The following PAK2 variants were observed in gnomAD, a reference collection of about 807,000 sequenced individuals.
PAK2 encodes serine/threonine-protein kinase PAK 2.
PAK2 carries 21 observed loss-of-function variants against 65.9 expected under a neutral mutation model. That is an observed-to-expected ratio of 0.32 (90% confidence interval 0.23 to 0.46). The LOEUF is 0.46. Ranked by LOEUF, PAK2 falls within the 20% of genes least tolerant of loss-of-function variation. PAK2 has a pLI of 1.00. For synonymous variants in PAK2, 204 were observed against 219.7 expected (o/e 0.93, Z 0.63); for missense variants, 324 against 642.6 (o/e 0.50, Z 5.36).
intron 2 of PAK2, among the ~76,000 whole-genome samples, chr3:196,793,515 G>T (rs1252370281): frequency 6.6e-6 from 1 of 152,092 alleles, no homozygotes; most frequent in East Asian, 1.9e-4. Context: ...CTTTCTATAT[G>T]AGTAGACAGT....
Position 196,829,164 on chromosome 3 carries a change from C to G in PAK2, c.*759C>G, listed in dbSNP as rs1258581110. On this transcript the variant is annotated 3_prime_UTR_variant, in exon 15 of 15. Coordinates refer to ENST00000327134, the MANE Select transcript of PAK2 (RefSeq NM_002577.4). ...AATCATTGAGATAGAAAAAGATTCCCATTGACTGTAGACTTCTTCCCATTT... is the reference window on the plus strand; with the variant it reads ...AATCATTGAGATAGAAAAAGATTCCGATTGACTGTAGACTTCTTCCCATTT... The G allele has an allele frequency of 6.6e-6, 1 of 152,506 alleles. No homozygotes were observed. Among genetic ancestry groups the G allele is most frequent in the Non-Finnish European group, 1.5e-5 (1 of 68,024 alleles). The allele number at this position is 152,506 out of a possible 1,614,324, so 9.4% of individuals were successfully genotyped here. A position where few individuals can be genotyped will look rare whatever the true frequency, so the allele number is the denominator to read the frequency against.
chr3:196,765,027 G>A (rs866321648), intron 1 of PAK2, among the ~76,000 whole-genome samples: 2 of 149,866 alleles, frequency 1.3e-5, no homozygotes, highest in Non-Finnish European at 3.0e-5. Context: ...TGTATTTTTA[G>A]TAGAGACGAG....
At chr3:196,786,230 T>G (rs995601905) in intron 2 of PAK2, among the ~76,000 whole-genome samples, 25 of 151,636 alleles carry the variant, frequency 1.6e-4, no homozygotes, top group African/African-American at 5.6e-4. Flanking sequence ...TGGCTCAATC[T>G]CAGCTCTCTG....
intron 1 of PAK2, among the ~76,000 whole-genome samples, chr3:196,758,993 A>T (rs911863051): frequency 1.3e-5 from 2 of 152,122 alleles, no homozygotes; most frequent in African/African-American, 4.8e-5. Flanking sequence ...AAAAACTTAC[A>T]CATTTTTATT....
chr3:196,785,981 A>G (rs561825157), intron 2 of PAK2, among the ~76,000 whole-genome samples: 9 of 152,190 alleles, frequency 5.9e-5, no homozygotes, highest in African/African-American at 2.2e-4. Flanking sequence ...CCATTTTTCT[A>G]CTTGGTGGTT....
chr3:196,814,326 T>C, intron 10 of PAK2, 125 bp from the exon 11 acceptor site: 1 of 602,828 alleles, frequency 1.7e-6, no homozygotes, highest in Non-Finnish European at 3.0e-6. Flanking sequence ...GTTTTCTTCC[T>C]AACTCTCAAG....
At chr3:196,824,894 A>G (rs970611819) in intron 13 of PAK2, among the ~76,000 whole-genome samples, 4 of 152,094 alleles carry the variant, frequency 2.6e-5, no homozygotes, top group African/African-American at 9.7e-5. Flanking sequence ...AATTTAATAG[A>G]AGTGTATCAA....
intron 2 of PAK2, among the ~76,000 whole-genome samples, chr3:196,794,237 A>C (rs1164097916): frequency 1.3e-5 from 2 of 152,224 alleles, no homozygotes; most frequent in African/African-American, 4.8e-5. Flanking sequence ...ATGACAATTA[A>C]GTGGAGGACA....
rs773739643 is a variant in PAK2, at chr3:196,810,680, A to G, written c.773+27A>G. ...TAAGTATTTGTGACTGTATTACGAT[A>G]ATATTCAGTATTCAGTATTTCCTGG... On this transcript the variant is annotated intron_variant, in intron 8 of 14. Coordinates refer to ENST00000327134, the MANE Select transcript of PAK2 (RefSeq NM_002577.4). The G allele has an allele frequency of 8.3e-6, 9 of 1,082,998 alleles. No individual in the cohort carries two copies. In the South Asian group the frequency reaches 1.0e-4, roughly 12 times the overall value. The allele number at this position is 1,082,998 out of a possible 1,614,324, so 67.1% of individuals were successfully genotyped here.
intron 1 of PAK2, among the ~76,000 whole-genome samples, chr3:196,757,812 G>T (rs538012966): frequency 6.6e-6 from 1 of 152,134 alleles, no homozygotes; most frequent in Admixed American, 6.5e-5. Flanking sequence ...GAATACTCGC[G>T]TTAGATACTG....
chr3:196,765,401 C>T (rs375593277), intron 1 of PAK2, among the ~76,000 whole-genome samples: 7 of 152,086 alleles, frequency 4.6e-5, no homozygotes, highest in Non-Finnish European at 5.9e-5. Flanking sequence ...CCCCCACCTC[C>T]GCCTCCTGAG....
rs746353501 is a variant in PAK2, at chr3:196,782,778, A to G, written c.132A>G (p.Pro44=). The G allele has an allele frequency of 5.0e-6, 8 of 1,613,688 alleles. No individual in the cohort carries two copies. Among genetic ancestry groups the G allele is most frequent in the Non-Finnish European group, 6.8e-6 (8 of 1,179,800 alleles). Residue 44 remains proline (P), a synonymous_variant, in exon 2 of 15, where the codon CCA becomes CCG. Coordinates refer to ENST00000327134, the MANE Select transcript of PAK2 (RefSeq NM_002577.4). ...NHSLKPLPSV[P]EEKKPRHKII... ...GTTTGAAACCTTTGCCCTCTGTTCC[A>G]GAAGAGAAAAAGCCCAGGCATAAAA... is the stretch of plus-strand genomic sequence containing the variant.
At chr3:196,806,266 G>A (rs1715581743) in intron 5 of PAK2, among the ~76,000 whole-genome samples, 1 of 151,968 alleles carries the variant, frequency 6.6e-6, no homozygotes. Flanking sequence ...AAAGCCCAGA[G>A]GATCTTTGAT....
In PAK2 at chr3:196,820,888, A is replaced by G. The variant is rs992043809; in HGVS notation, c.1350+321A>G. On this transcript the variant is annotated intron_variant, in intron 13 of 14. Coordinates refer to ENST00000327134, the MANE Select transcript of PAK2 (RefSeq NM_002577.4). The surrounding 1 kb of genome is among the most constrained non-coding windows in gnomAD (Gnocchi z 4.6). ...AGGGTCCCACTCTCTTGCCTATTCTAGAATGCAGTGGCGCAATCTCAGCTC... is the reference window on the plus strand; with the variant it reads ...AGGGTCCCACTCTCTTGCCTATTCTGGAATGCAGTGGCGCAATCTCAGCTC... Among the ~76,000 whole-genome samples, 2 of 152,098 alleles carry G rather than the reference A, an allele frequency of 1.3e-5. No individual in the cohort carries two copies. The highest frequency in any genetic ancestry group is 1.3e-4 in the Admixed American group (2 of 15,234).
chr3:196,751,672 TAC>T (rs201692031), intron 1 of PAK2, among the ~76,000 whole-genome samples: 1,171 of 28,890 alleles, frequency 0.041, 156 homozygotes, highest in Non-Finnish European at 0.061. Flanking sequence ...TTTATTTATA[TAC>T]ATATATATAT....
chr3:196,812,357 C>T, intron 9 of PAK2, 90 bp downstream of exon 9: 1 of 814,142 alleles, frequency 1.2e-6, no homozygotes, highest in East Asian at 2.4e-5. Flanking sequence ...ATAGGAACCT[C>T]TTTTAAGTTG....
At chr3:196,781,319 C>CA (rs1347375248) in intron 1 of PAK2, among the ~76,000 whole-genome samples, 2 of 152,124 alleles carry the variant, frequency 1.3e-5, no homozygotes, top group African/African-American at 4.8e-5. Context: ...TATCAGAACT[C>CA]ATATGTATAA....
chr3:196,813,497 A>G (rs552743387), intron 10 of PAK2, among the ~76,000 whole-genome samples: 85 of 151,890 alleles, frequency 5.6e-4, no homozygotes, highest in Non-Finnish European at 5.6e-4. Context: ...GTATATTACT[A>G]CAACTGCATG....
At chr3:196,810,562 T>C (rs1490248578) in intron 7 of PAK2, 28 bp from the exon 8 acceptor site, 2 of 1,304,066 alleles carry the variant, frequency 1.5e-6, no homozygotes, top group Non-Finnish European at 2.2e-6. Context: ...AATGCTTGAC[T>C]GAGCTTCCAG....
Sources: gnomAD v4.1 joint callset for allele counts (sites outside exome capture counted in the v4.1 genomes callset) on GRCh38, gnomAD v4.1.1 for gene constraint, Gnocchi (gnomAD v3.1) non-coding constraint, MANE v1.5 for transcripts, NCBI Gene and HGNC (gene_info 2026-07-23, HGNC 2026-07-21) for gene names.